LRBA: variants seen among roughly 807,000 people sequenced by gnomAD.
The protein encoded by LRBA is LPS responsive beige-like anchor protein.
A neutral mutation model predicts 330.0 loss-of-function variants in LRBA; 176 were observed. The observed-to-expected ratio is 0.53, with a 90% CI of 0.47 to 0.60. The LOEUF is 0.60. LRBA is among the 20% of genes least tolerant of loss of function. The pLI is 0.00. For missense variants in LRBA, 3,259 were observed against 3,444.8 expected (o/e 0.95, Z 1.35); for synonymous variants, 1,230 against 1,193.0 (o/e 1.03, Z -0.64).
In LRBA at chr4:150,916,545, C is replaced by A. The variant is rs1265371983; in HGVS notation, c.768-18G>T. ...TTCTGAAACTATAAAGAATAGTTTTCATTTTACCTCTAAATATTCTTCTCA... is the reference window on the plus strand; with the variant it reads ...TTCTGAAACTATAAAGAATAGTTTTAATTTTACCTCTAAATATTCTTCTCA... On this transcript the variant is annotated intron_variant, in intron 6 of 56. Transcript: ENST00000651943. 1 of 1,609,656 alleles carries A rather than the reference C, an allele frequency of 6.2e-7. No individual in the cohort carries two copies. Among genetic ancestry groups the A allele is most frequent in the East Asian group, 2.2e-5 (1 of 44,756 alleles).
At chr4:150,816,682 A>G (rs993518592) in intron 31 of LRBA, among the ~76,000 whole-genome samples, 18 of 151,918 alleles carry the variant, frequency 1.2e-4, no homozygotes, top group Non-Finnish European at 2.1e-4. Flanking sequence ...CAAAAAAAAC[A>G]AAGTATTGGA....
At chr4:150,863,954 T>A (rs1752338001) in intron 22 of LRBA, among the ~76,000 whole-genome samples, 1 of 152,118 alleles carries the variant, frequency 6.6e-6, no homozygotes, top group Admixed American at 6.6e-5. Flanking sequence ...TTTATTTTAT[T>A]TTTTGAGACA....
At chr4:150,367,809 G>A (rs911967629) in intron 47 of LRBA, among the ~76,000 whole-genome samples, 2 of 152,074 alleles carry the variant, frequency 1.3e-5, no homozygotes, top group African/African-American at 4.8e-5. Context: ...ATGTCTATCC[G>A]AATGTTTTAG....
At chr4:150,434,015 C>A (rs1417073982) in intron 46 of LRBA, among the ~76,000 whole-genome samples, 1 of 152,034 alleles carries the variant, frequency 6.6e-6, no homozygotes, top group Non-Finnish European at 1.5e-5. Flanking sequence ...AAGTATCATA[C>A]CTAAAAGCAA....
intron 12 of LRBA, 112 bp from the exon 13 acceptor site, chr4:150,906,102 A>G: frequency 1.1e-6 from 1 of 930,866 alleles, no homozygotes; most frequent in Non-Finnish European, 1.7e-6. Context: ...AAAGTTAAAG[A>G]TGCCATGAAG....
chr4:150,560,994 G>GA (rs1318178949), intron 40 of LRBA, among the ~76,000 whole-genome samples: 1 of 151,786 alleles, frequency 6.6e-6, no homozygotes, highest in Non-Finnish European at 1.5e-5. Context: ...TCAAAAAAAA[G>GA]AAAAAGGTTA....
At chr4:150,874,948 T>C (rs1753837529) in intron 17 of LRBA, among the ~76,000 whole-genome samples, 1 of 152,182 alleles carries the variant, frequency 6.6e-6, no homozygotes, top group African/African-American at 2.4e-5. Context: ...GGGTCCTCTA[T>C]GCTTCATGCT....
intron 2 of LRBA, among the ~76,000 whole-genome samples, chr4:150,988,027 C>T (rs1202399675): frequency 3.3e-5 from 5 of 149,848 alleles, no homozygotes; most frequent in East Asian, 3.9e-4. Context: ...AAAGTGCATT[C>T]GCCTTATTGA....
intron 40 of LRBA, among the ~76,000 whole-genome samples, chr4:150,553,138 TA>T (rs34028486): frequency 4.0e-5 from 6 of 151,286 alleles, no homozygotes; most frequent in Non-Finnish European, 5.9e-5. Flanking sequence ...TATGCAGTCA[TA>T]AAAAAGGATG....
intron 51 of LRBA, among the ~76,000 whole-genome samples, chr4:150,314,155 T>C (rs1485341791): frequency 2.0e-5 from 3 of 152,214 alleles, no homozygotes; most frequent in Admixed American, 6.5e-5. Flanking sequence ...CTTGATAGCA[T>C]AGGATATTCA....
chr4:150,665,936 C>G (rs1014285077), intron 37 of LRBA, among the ~76,000 whole-genome samples: 1 of 152,076 alleles, frequency 6.6e-6, no homozygotes, highest in Non-Finnish European at 1.5e-5. Flanking sequence ...GGAGGAACCT[C>G]AAATTACTAT....
intron 48 of LRBA, among the ~76,000 whole-genome samples, chr4:150,335,599 C>G (rs1053564868): frequency 1.3e-5 from 2 of 151,128 alleles, no homozygotes; most frequent in African/African-American, 2.4e-5. Flanking sequence ...ATGGCACATA[C>G]TAAGCTATCA....
intron 37 of LRBA, among the ~76,000 whole-genome samples, chr4:150,642,248 G>T (rs1449967162): frequency 2.6e-5 from 4 of 151,818 alleles, no homozygotes; most frequent in Non-Finnish European, 4.4e-5. Context: ...ATTTGTTCTT[G>T]TTGTTTGGTA....
At chr4:150,983,085 A>G (rs1741040323) in intron 2 of LRBA, among the ~76,000 whole-genome samples, 1 of 152,112 alleles carries the variant, frequency 6.6e-6, no homozygotes, top group Non-Finnish European at 1.5e-5. Context: ...GTCTCAAAGA[A>G]AAAAACAAAA....
intron 22 of LRBA, among the ~76,000 whole-genome samples, chr4:150,865,668 A>G (rs772160153): frequency 5.3e-5 from 8 of 152,150 alleles, no homozygotes; most frequent in Non-Finnish European, 8.8e-5. Flanking sequence ...CAATAATTAA[A>G]AGCTATTCAA....
intron 40 of LRBA, among the ~76,000 whole-genome samples, chr4:150,505,323 G>C (rs1419388465): frequency 1.3e-4 from 19 of 151,778 alleles, no homozygotes; most frequent in Admixed American, 5.9e-4. Context: ...TGACCACATA[G>C]TTGGAAGTAA....
At chr4:150,435,802 T>C in intron 45 of LRBA, 94 bp from the exon 46 acceptor site, 1 of 861,564 alleles carries the variant, frequency 1.2e-6, no homozygotes, top group Non-Finnish European at 1.8e-6. Context: ...TAATGACTAA[T>C]AGGCATTCAC....
At chr4:150,934,659 G>C (rs1734884871) in intron 2 of LRBA, among the ~76,000 whole-genome samples, 1 of 152,100 alleles carries the variant, frequency 6.6e-6, no homozygotes, top group South Asian at 2.1e-4. Flanking sequence ...ATCACCTGAG[G>C]TCAGTAGTTC....
At chr4:150,944,195 T>C (rs1469387751) in intron 2 of LRBA, among the ~76,000 whole-genome samples, 1 of 152,222 alleles carries the variant, frequency 6.6e-6, no homozygotes, top group Non-Finnish European at 1.5e-5. Context: ...TTTATCACTG[T>C]TTTACACTGT....
Sources: gnomAD v4.1 joint callset for allele counts (sites outside exome capture counted in the v4.1 genomes callset) on GRCh38, gnomAD v4.1.1 for gene constraint, MANE v1.5 for transcripts, NCBI Gene and HGNC (gene_info 2026-07-23, HGNC 2026-07-21) for gene names.